Variants in PLXNA4 observed in about 807,000 individuals in gnomAD.
The protein encoded by PLXNA4 is plexin A4.
In PLXNA4, 44 loss-of-function variants were observed where a neutral mutation model predicts 191.8. The ratio of observed to expected loss-of-function variants is 0.23; its 90% CI spans 0.18 to 0.29. The LOEUF (loss-of-function observed/expected upper bound fraction) is 0.29, where lower values mean the gene tolerates loss of function less well. PLXNA4 is among the 10% of genes least tolerant of loss of function. The pLI is 1.00. For synonymous variants in PLXNA4, 1,082 were observed against 1,009.5 expected, an observed-to-expected ratio of 1.07 and a Z score of -1.36; for missense variants, 1,800 against 2,488.8, an observed-to-expected ratio of 0.72 and a Z score of 5.89.
At chr7:132,379,322 T>G (rs1365728013) in intron 3 of PLXNA4, among the ~76,000 whole-genome samples, 2 of 152,294 alleles carry the variant, frequency 1.3e-5, no homozygotes, top group East Asian at 3.9e-4. Flanking sequence ...CCAGGCAGTG[T>G]CTCATGTCCC....
At chr7:132,490,900 T>C (rs1001272447) in intron 2 of PLXNA4, among the ~76,000 whole-genome samples, 10 of 152,118 alleles carry the variant, frequency 6.6e-5, no homozygotes, top group African/African-American at 2.4e-4. Flanking sequence ...AATCTCTCTT[T>C]TTTATACCAG....
chr7:132,367,362 A>T lies in PLXNA4; in HGVS notation c.1372-69140T>A, dbSNP rs182085924. 2.1e-3 allele frequency among the ~76,000 whole-genome samples: 324 copies of T among 152,268 alleles called. 1 individual carries two copies. The highest frequency in any genetic ancestry group is 3.2e-3 in the Non-Finnish European group (221 of 68,022). On this transcript the variant is annotated intron_variant, in intron 3 of 31. Coordinates refer to ENST00000321063, the MANE Select transcript of PLXNA4 (RefSeq NM_020911.2). ...AAGTATTTCCAAAGGATCACCATAC[A>T]CTGAACTCTTCAGGCATGACAGCAA...
intron 4 of PLXNA4, among the ~76,000 whole-genome samples, chr7:132,280,203 C>T (rs932609735): frequency 1.3e-5 from 2 of 152,062 alleles, no homozygotes; most frequent in East Asian, 3.9e-4. Context: ...TTTCCAGCTC[C>T]CCCTCCCTCC....
chr7:132,487,532 C>T (rs1797609677), intron 3 of PLXNA4, among the ~76,000 whole-genome samples: 1 of 152,206 alleles, frequency 6.6e-6, no homozygotes, highest in Non-Finnish European at 1.5e-5. Context: ...ATCTGATTCA[C>T]CTGCCCAAAA....
intron 3 of PLXNA4, among the ~76,000 whole-genome samples, chr7:132,441,941 G>A (rs1414376583): frequency 3.3e-5 from 5 of 152,172 alleles, no homozygotes; most frequent in Admixed American, 1.3e-4. Flanking sequence ...CAACTGCTTT[G>A]TGAAGTGGCA....
At chr7:132,273,906 G>A (rs1321615643) in intron 4 of PLXNA4, among the ~76,000 whole-genome samples, 1 of 152,032 alleles carries the variant, frequency 6.6e-6, no homozygotes. Flanking sequence ...GTTTATAGGA[G>A]CTTTATTTAT....
intron 3 of PLXNA4, among the ~76,000 whole-genome samples, chr7:132,376,320 G>A (rs1804657879): frequency 6.6e-6 from 1 of 152,192 alleles, no homozygotes; most frequent in South Asian, 2.1e-4. Context: ...AGGATACAGG[G>A]AAGGGAAGAA....
chr7:132,140,387 C>A (rs1795232865), intron 30 of PLXNA4, among the ~76,000 whole-genome samples: 1 of 152,156 alleles, frequency 6.6e-6, no homozygotes, highest in Non-Finnish European at 1.5e-5. Flanking sequence ...AGCTGAGCTA[C>A]CATGGCAACC....
intron 1 of PLXNA4, among the ~76,000 whole-genome samples, chr7:132,535,991 C>T (rs1355374469): frequency 6.6e-6 from 1 of 152,198 alleles, no homozygotes; most frequent in East Asian, 1.9e-4. Context: ...GCTCCAGAAT[C>T]TCTGCTCCCA....
chr7:132,314,956 C>A (rs1801888754), intron 3 of PLXNA4, among the ~76,000 whole-genome samples: 1 of 152,294 alleles, frequency 6.6e-6, no homozygotes, highest in Admixed American at 6.5e-5. Context: ...GGACTGCAAG[C>A]ATTTTGGAGG....
At chr7:132,528,701 C>T (rs1799506533) in intron 1 of PLXNA4, among the ~76,000 whole-genome samples, 2 of 152,252 alleles carry the variant, frequency 1.3e-5, no homozygotes, top group South Asian at 4.1e-4. Flanking sequence ...CTGTGGCAGA[C>T]TTCTTGTGCC....
chr7:132,223,441 G>T, intron 9 of PLXNA4, 86 bp downstream of exon 9: 1 of 1,189,860 alleles, frequency 8.4e-7, no homozygotes, highest in Non-Finnish European at 1.2e-6. Flanking sequence ...GTTTTCCTTT[G>T]GTTTCTCCTC....
chr7:132,168,870 C>T (rs1003663129), intron 21 of PLXNA4, among the ~76,000 whole-genome samples: 5 of 152,184 alleles, frequency 3.3e-5, no homozygotes, highest in East Asian at 1.9e-4. Context: ...CTGATGGTGA[C>T]GCAGAGTTGA....
rs551390158 is a variant in PLXNA4 at position 132,374,304 on chromosome 7, G to A, written c.1372-76082C>T. 3.3e-5 allele frequency among the ~76,000 whole-genome samples: 5 copies of A among 152,242 alleles called. 1 individual carries two copies. The highest frequency in any genetic ancestry group is 4.1e-4 in the South Asian group (2 of 4,820). On this transcript the variant is annotated intron_variant, in intron 3 of 31. Transcript: ENST00000321063. Reference sequence around the variant, plus strand: ...TGGGAGATTGTGTTCATTAGGAGCCGCTGATGTTGATAAATTCATCTTTCC... The same window carrying A: ...TGGGAGATTGTGTTCATTAGGAGCCACTGATGTTGATAAATTCATCTTTCC...
chr7:132,526,990 G>C (rs533177771), intron 1 of PLXNA4, among the ~76,000 whole-genome samples: 1 of 152,160 alleles, frequency 6.6e-6, no homozygotes, highest in African/African-American at 2.4e-5. Flanking sequence ...CCATTGACTT[G>C]TTATAGTAAC....
chr7:132,313,287 G>C (rs965084957), intron 3 of PLXNA4, among the ~76,000 whole-genome samples: 1 of 152,248 alleles, frequency 6.6e-6, no homozygotes, highest in Non-Finnish European at 1.5e-5. Flanking sequence ...GATGGTGGGA[G>C]TCTGAGACTG....
rs879500316 is a variant in PLXNA4 at position 132,128,100 on chromosome 7, A to G, written c.*2379T>C. ...TACGTTTGTGTCTCTTTCCTCCCCA[A>G]CCCTTTATATGTGCAAAAATATTGT... is the stretch of plus-strand genomic sequence containing the variant. On this transcript the variant is annotated 3_prime_UTR_variant, in exon 32 of 32. Coordinates refer to ENST00000321063, the MANE Select transcript of PLXNA4 (RefSeq NM_020911.2). 4.0e-5 allele frequency: 6 copies of G among 151,522 alleles called. No homozygotes were observed. The highest frequency in any genetic ancestry group is 8.8e-5 in the Non-Finnish European group (6 of 67,950). The allele number at this position is 151,522 out of a possible 1,614,324, so 9.4% of individuals were successfully genotyped here.
chr7:132,333,344 C>T (rs1802674184), intron 3 of PLXNA4, among the ~76,000 whole-genome samples: 1 of 152,246 alleles, frequency 6.6e-6, no homozygotes, highest in African/African-American at 2.4e-5. Context: ...CTCCATGCTG[C>T]ACCTACTCCC....
intron 21 of PLXNA4, among the ~76,000 whole-genome samples, chr7:132,172,836 G>A (rs1040006381): frequency 1.2e-4 from 18 of 152,056 alleles, no homozygotes; most frequent in Non-Finnish European, 1.9e-4. Context: ...AACTCATGAA[G>A]AAAGGAGAAT....
Sources: allele counts gnomAD v4.1 joint callset (sites outside exome capture counted in the v4.1 genomes callset), GRCh38; gene constraint gnomAD v4.1.1; transcripts MANE v1.5; gene names NCBI Gene and HGNC (gene_info 2026-07-23, HGNC 2026-07-21).